RALGAPB: variants seen among roughly 807,000 people sequenced by gnomAD.
The protein encoded by RALGAPB is Ral GTPase activating protein non-catalytic subunit beta, also known as ral GTPase-activating protein subunit beta.
In RALGAPB, 25 loss-of-function variants were observed where a neutral mutation model predicts 161.1. That is an observed-to-expected ratio of 0.16 (90% CI 0.11 to 0.22). RALGAPB has a LOEUF of 0.22. Ranked by LOEUF, RALGAPB falls within the 10% of genes least tolerant of loss-of-function variation. The pLI is 1.00. For synonymous variants in RALGAPB, 629 were observed against 626.1 expected, an observed-to-expected ratio of 1.00 and a Z score of -0.07; for missense variants, 1,391 against 1,815.2, an observed-to-expected ratio of 0.77 and a Z score of 4.25.
At chr20:38,494,782 A>G (rs1381098148) in intron 3 of RALGAPB, among the ~76,000 whole-genome samples, 3 of 152,166 alleles carry the variant, frequency 2.0e-5, no homozygotes, top group African/African-American at 4.8e-5. Context: ...CGTGCCTGGG[A>G]TAGTCTCATG....
chr20:38,553,813 G>A, intron 21 of RALGAPB, 54 bp from the exon 22 acceptor site: 1 of 721,580 alleles, frequency 1.4e-6, no homozygotes, highest in South Asian at 1.6e-5. Flanking sequence ...ACTTAAGATT[G>A]GCCTTACTAG....
chr20:38,504,917 CAAAA>C (rs541393191), intron 5 of RALGAPB, among the ~76,000 whole-genome samples: 1 of 151,886 alleles, frequency 6.6e-6, no homozygotes, highest in African/African-American at 2.4e-5. Context: ...ATTAAAAAGT[CAAAA>C]AAACAGTAGA....
intron 6 of RALGAPB, among the ~76,000 whole-genome samples, chr20:38,510,131 TAC>T (rs34759480): frequency 0.38 from 55,911 of 145,852 alleles, 11,990 homozygotes; most frequent in East Asian, 0.62. Context: ...CACACGCACA[TAC>T]ACACACACAC....
chr20:38,501,055 T>A (rs977536041), intron 5 of RALGAPB, among the ~76,000 whole-genome samples: 1 of 152,170 alleles, frequency 6.6e-6, no homozygotes, highest in Admixed American at 6.5e-5. Flanking sequence ...GCAAGTGTGA[T>A]GGAGAAGCTG....
chr20:38,491,253 A>C (rs1325057983), intron 2 of RALGAPB, among the ~76,000 whole-genome samples: 1 of 152,082 alleles, frequency 6.6e-6, no homozygotes, highest in African/African-American at 2.4e-5. Context: ...AGCCTTTTTG[A>C]ATCCTGAATT....
intron 5 of RALGAPB, among the ~76,000 whole-genome samples, chr20:38,503,796 T>C (rs1420542879): frequency 6.6e-6 from 1 of 152,214 alleles, no homozygotes; most frequent in Non-Finnish European, 1.5e-5. Context: ...AGTCAGTCCA[T>C]GTGGCACACC....
intron 5 of RALGAPB, among the ~76,000 whole-genome samples, chr20:38,506,335 C>G (rs1207359165): frequency 6.6e-6 from 1 of 151,908 alleles, no homozygotes; most frequent in African/African-American, 2.4e-5. Context: ...ACTCTGTCAC[C>G]CAGGCTGGAA....
intron 1 of RALGAPB, among the ~76,000 whole-genome samples, chr20:38,473,443 C>T (rs1398745571): frequency 6.6e-6 from 1 of 152,170 alleles, no homozygotes; most frequent in African/African-American, 2.4e-5. Context: ...GACGATGCTG[C>T]CCATTGCACA....
At chr20:38,505,028 CAAAG>C (rs1216556045) in intron 5 of RALGAPB, among the ~76,000 whole-genome samples, 5 of 152,150 alleles carry the variant, frequency 3.3e-5, no homozygotes, top group Non-Finnish European at 7.4e-5. Context: ...GGAGATTTCT[CAAAG>C]AACTTAAAAT....
intron 17 of RALGAPB, among the ~76,000 whole-genome samples, chr20:38,540,742 AT>A (rs2086939985): frequency 6.6e-6 from 1 of 152,084 alleles, no homozygotes; most frequent in Non-Finnish European, 1.5e-5. Flanking sequence ...TTACTATTTA[AT>A]CTCTTAGATT....
intron 24 of RALGAPB, among the ~76,000 whole-genome samples, chr20:38,563,134 A>C (rs1182098960): frequency 2.0e-5 from 3 of 152,212 alleles, no homozygotes; most frequent in African/African-American, 7.2e-5. Context: ...AGGGTAACTT[A>C]GTAACAGTTT....
intron 2 of RALGAPB, among the ~76,000 whole-genome samples, chr20:38,491,683 T>A (rs2085285287): frequency 6.6e-6 from 1 of 152,228 alleles, no homozygotes; most frequent in Non-Finnish European, 1.5e-5. Flanking sequence ...TTGCTTAATC[T>A]TGCTAAGCTT....
intron 5 of RALGAPB, among the ~76,000 whole-genome samples, chr20:38,501,313 G>T (rs986933672): frequency 6.6e-5 from 10 of 152,178 alleles, no homozygotes; most frequent in African/African-American, 2.4e-4. Flanking sequence ...TACTAAGAAT[G>T]ATGTTAAATT....
At chr20:38,548,622 G>A in intron 19 of RALGAPB, 67 bp from the exon 20 acceptor site, 1 of 1,266,478 alleles carries the variant, frequency 7.9e-7, no homozygotes, top group Non-Finnish European at 1.1e-6. Flanking sequence ...CTCTGCAGTT[G>A]ATAACAAGTT....
In RALGAPB at chr20:38,550,922, G is replaced by A; in HGVS notation, c.3010-149G>A. The stretch of plus-strand genomic sequence containing the variant: ...GGGGCACAGGCTGCTTCCCTTTGCT[G>A]TTATCTGTAGCATTTGCAGGTTCTG... On this transcript the variant is annotated intron_variant, in intron 20 of 29. Transcript: ENST00000262879. 2.3e-6 allele frequency: 2 copies of A among 854,948 alleles called. 1 individual carries two copies. Among genetic ancestry groups the A allele is most frequent in the Middle Eastern group, 6.6e-4 (2 of 3,016 alleles). The allele number at this position is 854,948 out of a possible 1,614,324, so 53.0% of individuals were successfully genotyped here.
intron 1 of RALGAPB, among the ~76,000 whole-genome samples, chr20:38,477,419 T>C (rs1238920223): frequency 3.9e-5 from 6 of 152,094 alleles, no homozygotes; most frequent in African/African-American, 9.7e-5. Context: ...CCATTTTCCA[T>C]GTTTTGGGAG....
Position 38,485,966 on chromosome 20 carries a change from C to CTT in RALGAPB, c.-30-2418_-30-2417dup, listed in dbSNP as rs11481893. On this transcript the variant is annotated intron_variant, in intron 1 of 29. Coordinates refer to ENST00000262879, the MANE Select transcript of RALGAPB (RefSeq NM_020336.4). Reference sequence around the variant, plus strand: ...CTTTTTCATTGTATCCTTTCTATATCTTTTTTTTTTTTTTTTTTTTGAGAT... The same window carrying CTT: ...CTTTTTCATTGTATCCTTTCTATATCTTTTTTTTTTTTTTTTTTTTTTGAGAT... Among the ~76,000 whole-genome samples the CTT allele has an allele frequency of 8.8e-3, 796 of 90,680 alleles. 45 individuals are homozygous for CTT. The highest frequency in any genetic ancestry group is 0.016 in the African/African-American group (358 of 22,580). 59.5% of individuals were successfully genotyped at this position (90,680 alleles called of 152,430 possible).
intron 15 of RALGAPB, among the ~76,000 whole-genome samples, chr20:38,534,615 A>G (rs1268792001): frequency 6.6e-6 from 1 of 152,192 alleles, no homozygotes; most frequent in African/African-American, 2.4e-5. Flanking sequence ...GTGAGTTTTG[A>G]TGGCTTAAAC....
At chr20:38,517,318 G>A (rs1477638179) in intron 7 of RALGAPB, among the ~76,000 whole-genome samples, 188 bp from the exon 8 acceptor site, 2 of 152,050 alleles carry the variant, frequency 1.3e-5, no homozygotes, top group Admixed American at 1.3e-4. Flanking sequence ...TTTCTGGGTA[G>A]CCATGTCCAT....
Sources: allele counts gnomAD v4.1 joint callset (sites outside exome capture counted in the v4.1 genomes callset), GRCh38; gene constraint gnomAD v4.1.1; transcripts MANE v1.5; gene names NCBI Gene and HGNC (gene_info 2026-07-23, HGNC 2026-07-21).